The following SCD5 variants were observed in gnomAD, a reference collection of about 807,000 sequenced individuals.
SCD5 encodes the protein acyl-CoA-desaturase 4.
A neutral mutation model predicts 30.4 loss-of-function variants in SCD5; 20 were observed. The ratio of observed to expected loss-of-function variants is 0.66; its 90% confidence interval spans 0.46 to 0.96. The LOEUF (loss-of-function observed/expected upper bound fraction) is 0.96. SCD5 is among the 40% of genes least tolerant of loss of function. The probability of loss-of-function intolerance (pLI) is 0.00; values close to 1 mark genes in which losing one functional copy is unlikely to be tolerated. For missense variants in SCD5, 381 were observed against 443.3 expected (o/e 0.86, Z 1.26); for synonymous variants, 173 against 176.4 (o/e 0.98, Z 0.16).
At chr4:82,753,206 T>C (rs1203475963) in intron 1 of SCD5, 1 of 410,254 alleles carries the variant, frequency 2.4e-6, no homozygotes, top group Non-Finnish European at 5.0e-6. Context: ...ACCTACTTCA[T>C]GTGAGAGTTA....
intron 2 of SCD5, among the ~76,000 whole-genome samples, chr4:82,685,310 A>T (rs1430928613): frequency 6.6e-6 from 1 of 152,162 alleles, no homozygotes; most frequent in Non-Finnish European, 1.5e-5. Flanking sequence ...TTTGCAATAG[A>T]AATATAACTC....
chr4:82,663,329 G>A (rs1339824287), intron 3 of SCD5, among the ~76,000 whole-genome samples: 1 of 152,210 alleles, frequency 6.6e-6, no homozygotes, highest in Admixed American at 6.5e-5. Context: ...ATAGCCTCAA[G>A]CCTCGGACAC....
At chr4:82,763,490 G>A (rs1721421724) in intron 1 of SCD5, among the ~76,000 whole-genome samples, 1 of 152,140 alleles carries the variant, frequency 6.6e-6, no homozygotes, top group Non-Finnish European at 1.5e-5. Context: ...CAGCCTGGGT[G>A]ACAAAGCGAG....
chr4:82,660,943 T>G (rs761150533), intron 3 of SCD5: 5 of 1,614,042 alleles, frequency 3.1e-6, no homozygotes, highest in South Asian at 1.1e-5. Flanking sequence ...GTGGTTACAA[T>G]GAGTATGTAA....
intron 1 of SCD5, among the ~76,000 whole-genome samples, chr4:82,729,869 A>G (rs1720589449): frequency 6.6e-6 from 1 of 152,214 alleles, no homozygotes; most frequent in African/African-American, 2.4e-5. Context: ...AGAGGAGTCT[A>G]TACAACCAAC....
intron 2 of SCD5, among the ~76,000 whole-genome samples, chr4:82,699,895 C>T (rs1168623085): frequency 2.6e-5 from 4 of 151,674 alleles, no homozygotes; most frequent in Non-Finnish European, 4.4e-5. Context: ...CTCTTGACCT[C>T]GTAATCCGCC....
rs72906484 is a variant in SCD5, at chr4:82,749,845, G to T, written c.233-44432C>A. Among the ~76,000 whole-genome samples the T allele has an allele frequency of 9.1e-3, 1,380 of 152,326 alleles. 15 individuals carry two copies. The highest frequency in any genetic ancestry group is 0.032 in the African/African-American group (1,314 of 41,570). On this transcript the variant is annotated intron_variant, in intron 1 of 4. Coordinates refer to ENST00000319540, the MANE Select transcript of SCD5 (RefSeq NM_001037582.3). ...TTAAAGCTGTCAACTTTAGTCTCAT[G>T]CTGATTTGGGAGTTATTTATTTGAA...
chr4:82,724,285 C>A (rs1160994097), intron 1 of SCD5, among the ~76,000 whole-genome samples: 10 of 152,096 alleles, frequency 6.6e-5, no homozygotes, highest in African/African-American at 9.7e-5. Context: ...AACGTTAGAA[C>A]CAGAACATAG....
chr4:82,685,623 G>C (rs1296130900), intron 2 of SCD5, among the ~76,000 whole-genome samples: 2 of 132,688 alleles, frequency 1.5e-5, no homozygotes, highest in African/African-American at 2.9e-5. Flanking sequence ...TGAGGCATGA[G>C]AATCACCTGA....
chr4:82,751,957 G>GA (rs1229506732), intron 1 of SCD5, among the ~76,000 whole-genome samples: 1 of 152,094 alleles, frequency 6.6e-6, no homozygotes, highest in African/African-American at 2.4e-5. Flanking sequence ...ATCTTTGTTA[G>GA]AAAAACATTC....
chr4:82,697,821 T>G (rs548561182), intron 2 of SCD5, among the ~76,000 whole-genome samples: 19 of 152,358 alleles, frequency 1.2e-4, no homozygotes, highest in Admixed American at 1.2e-3. Flanking sequence ...TGTCGGAGTA[T>G]TCCGCATAAC....
chr4:82,756,450 G>A (rs910428292), intron 1 of SCD5, among the ~76,000 whole-genome samples: 5 of 152,208 alleles, frequency 3.3e-5, no homozygotes, highest in Non-Finnish European at 5.9e-5. Flanking sequence ...TTTAGGCTGG[G>A]CAAGGTGGCT....
chr4:82,690,548 G>A (rs1417064232), intron 2 of SCD5, among the ~76,000 whole-genome samples: 1 of 152,122 alleles, frequency 6.6e-6, no homozygotes, highest in East Asian at 1.9e-4. Flanking sequence ...CTTGGATGCT[G>A]TAATAACCTT....
At chr4:82,664,985 C>A (rs1473810717) in intron 3 of SCD5, among the ~76,000 whole-genome samples, 19 of 109,322 alleles carry the variant, frequency 1.7e-4, no homozygotes, top group African/African-American at 4.4e-4. Flanking sequence ...CTCTCTCTCT[C>A]TCTCTCTCTC....
chr4:82,785,890 G>A (rs1053405307), intron 1 of SCD5, among the ~76,000 whole-genome samples: 2 of 152,148 alleles, frequency 1.3e-5, no homozygotes, highest in African/African-American at 2.4e-5. Flanking sequence ...TGTTTCTGGG[G>A]ACACTCAAGT....
At chr4:82,728,403 T>C (rs576243217) in intron 1 of SCD5, among the ~76,000 whole-genome samples, 5 of 152,226 alleles carry the variant, frequency 3.3e-5, no homozygotes, top group Admixed American at 6.5e-5. Context: ...GTTAGGATTA[T>C]GAGAGGGGCC....
intron 1 of SCD5, among the ~76,000 whole-genome samples, chr4:82,798,092 G>T (rs1722267764): frequency 6.6e-6 from 1 of 150,874 alleles, no homozygotes; most frequent in Admixed American, 6.6e-5. Flanking sequence ...GGGGCGGGGG[G>T]GGGGCGGAAG....
At chr4:82,720,773 C>A (rs1430795129) in intron 1 of SCD5, among the ~76,000 whole-genome samples, 3 of 152,182 alleles carry the variant, frequency 2.0e-5, no homozygotes, top group African/African-American at 7.2e-5. Context: ...AGGCTTGCCT[C>A]CTCCCTGGCA....
intron 1 of SCD5, among the ~76,000 whole-genome samples, chr4:82,783,178 C>T (rs546285429): frequency 1.3e-5 from 2 of 152,320 alleles, no homozygotes; most frequent in South Asian, 2.1e-4. Flanking sequence ...TTCAGTACAA[C>T]TCACTCATGA....
Sources: allele counts gnomAD v4.1 joint callset (sites outside exome capture counted in the v4.1 genomes callset), GRCh38; gene constraint gnomAD v4.1.1; transcripts MANE v1.5; gene names NCBI Gene and HGNC (gene_info 2026-07-23, HGNC 2026-07-21).